SYNE1: variants seen among roughly 807,000 people sequenced by gnomAD.
SYNE1 encodes spectrin repeat containing nuclear envelope protein 1, also known as nesprin-1.
SYNE1 carries 616 observed loss-of-function variants against 1,111.0 expected under a neutral mutation model. The observed-to-expected ratio is 0.55, with a 90% CI of 0.52 to 0.59. The LOEUF is 0.59. Ranked by LOEUF, SYNE1 falls within the 20% of genes least tolerant of loss-of-function variation. SYNE1 has a pLI of 0.00. For synonymous variants in SYNE1, 3,855 were observed against 3,825.8 expected (o/e 1.01, Z -0.28); for missense variants, 10,006 against 10,417.0 (o/e 0.96, Z 1.72).
chr6:152,363,354 C>T (rs1344325980), intron 63 of SYNE1, among the ~76,000 whole-genome samples: 74 of 148,590 alleles, frequency 5.0e-4, no homozygotes, highest in Admixed American at 2.1e-3. Context: ...ATTAGCCGGG[C>T]ATGGTGGCGG....
chr6:152,243,071 T>C (rs991554994), intron 106 of SYNE1, among the ~76,000 whole-genome samples: 2 of 152,246 alleles, frequency 1.3e-5, no homozygotes, highest in Non-Finnish European at 1.5e-5. Flanking sequence ...CTAGAAATGA[T>C]ACATGAGGTA....
intron 138 of SYNE1, among the ~76,000 whole-genome samples, chr6:152,143,128 C>T (rs2058814572): frequency 6.6e-6 from 1 of 152,148 alleles, no homozygotes; most frequent in Admixed American, 6.5e-5. Flanking sequence ...TATCTTTTCC[C>T]CAAATCCCTC....
chr6:152,489,457 C>CTTTTTTTT (rs3076635), intron 11 of SYNE1, among the ~76,000 whole-genome samples: 2 of 112,298 alleles, frequency 1.8e-5, no homozygotes, highest in African/African-American at 6.7e-5. Context: ...CTTGGTGTGT[C>CTTTTTTTT]TTTTTTTTTT....
intron 123 of SYNE1, among the ~76,000 whole-genome samples, 184 bp from the exon 124 acceptor site, chr6:152,211,772 C>T (rs112692940): frequency 1.3e-5 from 2 of 152,130 alleles, no homozygotes; most frequent in Admixed American, 1.3e-4. Context: ...TTAAGATACA[C>T]TCAAAGATAA....
chr6:152,617,978 A>T (rs1565222446), intron 3 of SYNE1, among the ~76,000 whole-genome samples: 1 of 152,198 alleles, frequency 6.6e-6, no homozygotes, highest in Non-Finnish European at 1.5e-5. Flanking sequence ...AGGTTAATCG[A>T]AGTCAGGCAA....
At chr6:152,487,742 T>C (rs962890665) in intron 12 of SYNE1, among the ~76,000 whole-genome samples, 5 of 152,156 alleles carry the variant, frequency 3.3e-5, no homozygotes, top group Non-Finnish European at 7.4e-5. Context: ...ACTCAACTCT[T>C]TGTTCTTGGT....
At chr6:152,155,063 A>G in intron 132 of SYNE1, 21 bp from the exon 133 acceptor site, 1 of 1,613,998 alleles carries the variant, frequency 6.2e-7, no homozygotes, top group Admixed American at 1.7e-5. Flanking sequence ...AAATGAAAGA[A>G]CAGATTCAGA....
Position 152,358,541 on chromosome 6 carries a change from T to C in SYNE1, c.10444-4A>G. On this transcript the variant is annotated splice_region_variant and splice_polypyrimidine_tract_variant and intron_variant, in intron 65 of 145. Coordinates refer to ENST00000367255, the MANE Select transcript of SYNE1 (RefSeq NM_182961.4). ...TTTCAGACTTGGTTACGGCTTCCTA[T>C]AATTAGCATTTAAAATAATGAAGTT... 1.9e-6 allele frequency: 3 copies of C among 1,614,106 alleles called. No homozygotes were observed. Among genetic ancestry groups the C allele is most frequent in the Non-Finnish European group, 2.5e-6 (3 of 1,179,950 alleles).
intron 3 of SYNE1, among the ~76,000 whole-genome samples, chr6:152,578,612 AC>A (rs1343647127): frequency 6.6e-6 from 1 of 152,188 alleles, no homozygotes; most frequent in Non-Finnish European, 1.5e-5. Flanking sequence ...AAATAAAAAA[AC>A]AAAAATAAAA....
At chr6:152,446,758 T>G (rs1486999756) in intron 29 of SYNE1, among the ~76,000 whole-genome samples, 1 of 152,200 alleles carries the variant, frequency 6.6e-6, no homozygotes, top group African/African-American at 2.4e-5. Context: ...ATATTTTTGC[T>G]GATGGTGGAA....
At position 152,413,335 on chromosome 6, in the gene SYNE1, G is replaced by A. The variant is rs200580133; in HGVS notation, c.6230+17C>T. Reference sequence around the variant, plus strand: ...AGTGGGAAGCTAAAAACAAGAACTGGGTGGGTTTTGACTTACTTTTCATGA... The same window carrying A: ...AGTGGGAAGCTAAAAACAAGAACTGAGTGGGTTTTGACTTACTTTTCATGA... On this transcript the variant is annotated intron_variant, in intron 42 of 145. Transcript: ENST00000367255. 73 of 1,614,026 alleles carry A rather than the reference G, an allele frequency of 4.5e-5. No individual in the cohort carries two copies. The African/African-American group carries it at 9.1e-4, about 20-fold the overall frequency.
chr6:152,133,587 T>A, intron 142 of SYNE1, 99 bp from the exon 143 acceptor site: 1 of 1,183,018 alleles, frequency 8.5e-7, no homozygotes, highest in Non-Finnish European at 1.2e-6. Context: ...GGTGGGAAAT[T>A]ATACCTGAGC....
In SYNE1 at chr6:152,538,868, C is replaced by T. The variant is rs116507027; in HGVS notation, c.129+1092G>A. On this transcript the variant is annotated intron_variant, in intron 4 of 145. Coordinates refer to ENST00000367255, the MANE Select transcript of SYNE1 (RefSeq NM_182961.4). ...TGGTTTATCCTATATCTAGACAGGTCGCTCTAGGCTTCTTTCATGGCTGGA... is the reference window on the plus strand; with the variant it reads ...TGGTTTATCCTATATCTAGACAGGTTGCTCTAGGCTTCTTTCATGGCTGGA... 2.8e-3 allele frequency among the ~76,000 whole-genome samples: 429 copies of T among 152,152 alleles called. 2 individuals are homozygous for T. The highest frequency in any genetic ancestry group is 9.7e-3 in the African/African-American group (403 of 41,508).
At chr6:152,216,507 G>A (rs374594979) in intron 121 of SYNE1, among the ~76,000 whole-genome samples, 48 of 152,230 alleles carry the variant, frequency 3.2e-4, no homozygotes, top group African/African-American at 1.1e-3. Context: ...GTGAGCTGAC[G>A]AGGACAAGAA....
chr6:152,544,822 G>A (rs981667315), intron 3 of SYNE1, among the ~76,000 whole-genome samples: 8 of 152,112 alleles, frequency 5.3e-5, no homozygotes, highest in African/African-American at 1.9e-4. Flanking sequence ...ACATGCACCC[G>A]GAAGCACAAA....
At chr6:152,127,935 C>T (rs1483176812) in intron 145 of SYNE1, 1 of 152,166 alleles carries the variant, frequency 6.6e-6, no homozygotes, top group East Asian at 1.9e-4. Flanking sequence ...TTTGCCACTT[C>T]TCATTCCATC....
At chr6:152,369,733 AG>A (rs1030129735) in intron 59 of SYNE1, 119 bp from the exon 60 acceptor site, 14 of 1,275,754 alleles carry the variant, frequency 1.1e-5, no homozygotes, top group Non-Finnish European at 1.1e-5. Flanking sequence ...CTGTAATCCC[AG>A]CACTTTGGGT....
chr6:152,426,834 G>A (rs1216017243), intron 38 of SYNE1, among the ~76,000 whole-genome samples: 1 of 152,176 alleles, frequency 6.6e-6, no homozygotes, highest in East Asian at 1.9e-4. Context: ...CCAAGTCAAG[G>A]AAGGAGAACA....
At chr6:152,247,672 C>T (rs527807929) in intron 105 of SYNE1, among the ~76,000 whole-genome samples, 1 of 148,482 alleles carries the variant, frequency 6.7e-6, no homozygotes, top group South Asian at 2.1e-4. Flanking sequence ...CAAGACCAGA[C>T]CAGCCTGGGC....
Sources: allele counts gnomAD v4.1 joint callset (sites outside exome capture counted in the v4.1 genomes callset), GRCh38; gene constraint gnomAD v4.1.1; transcripts MANE v1.5; gene names NCBI Gene and HGNC (gene_info 2026-07-23, HGNC 2026-07-21).